RXRG: variants seen among roughly 807,000 people sequenced by gnomAD.
RXRG encodes retinoid X receptor gamma, also known as retinoic acid receptor RXR-gamma.
RXRG carries 19 observed loss-of-function variants against 49.2 expected under a neutral mutation model. The observed-to-expected ratio is 0.39, with a 90% CI of 0.27 to 0.57. The LOEUF (loss-of-function observed/expected upper bound fraction) is 0.57. Among genes scored for constraint, RXRG ranks in the 20% least tolerant of loss-of-function variants. RXRG has a pLI of 0.64. For synonymous variants in RXRG, 224 were observed against 216.6 expected, an observed-to-expected ratio of 1.03 and a Z score of -0.30; for missense variants, 452 against 592.5, an observed-to-expected ratio of 0.76 and a Z score of 2.46.
intron 9 of RXRG, among the ~76,000 whole-genome samples, chr1:165,402,648 A>G (rs990063353): frequency 2.6e-5 from 4 of 151,964 alleles, no homozygotes; most frequent in Middle Eastern, 3.4e-3. Context: ...GCATACATGC[A>G]CTTACACACA....
chr1:165,402,613 C>G (rs1360861145), intron 9 of RXRG, among the ~76,000 whole-genome samples: 1 of 152,032 alleles, frequency 6.6e-6, no homozygotes, highest in African/African-American at 2.4e-5. Context: ...CACACTCACA[C>G]TCTTTTACAC....
intron 1 of RXRG, among the ~76,000 whole-genome samples, chr1:165,438,208 A>C (rs1212557319): frequency 6.6e-6 from 1 of 152,218 alleles, no homozygotes; most frequent in Non-Finnish European, 1.5e-5. Flanking sequence ...CCCTAATCCA[A>C]GCCTCTAAAA....
At chr1:165,442,081 T>A (rs1659024964) in intron 1 of RXRG, among the ~76,000 whole-genome samples, 1 of 152,220 alleles carries the variant, frequency 6.6e-6, no homozygotes, top group African/African-American at 2.4e-5. Context: ...CCCTCTGTAA[T>A]TCCATGTGCT....
At chr1:165,404,361 C>T (rs1016017235) in intron 9 of RXRG, among the ~76,000 whole-genome samples, 15 of 152,202 alleles carry the variant, frequency 9.9e-5, no homozygotes, top group African/African-American at 3.6e-4. Flanking sequence ...GGCCTCTCTC[C>T]CCAGAGTGTG....
intron 4 of RXRG, among the ~76,000 whole-genome samples, chr1:165,415,956 C>T (rs1348972266): frequency 6.6e-6 from 1 of 152,230 alleles, no homozygotes; most frequent in Non-Finnish European, 1.5e-5. Flanking sequence ...AGCCTGTTTT[C>T]TCATCTGGCG....
chr1:165,434,868 A>T (rs1168408223), intron 1 of RXRG, among the ~76,000 whole-genome samples: 5 of 152,230 alleles, frequency 3.3e-5, no homozygotes, highest in Non-Finnish European at 7.3e-5. Context: ...TAACACAGAC[A>T]TGCTGCTGAG....
intron 1 of RXRG, chr1:165,436,778 A>T (rs1219208383): frequency 1.4e-5 from 5 of 350,574 alleles, no homozygotes; most frequent in Non-Finnish European, 2.0e-5. Flanking sequence ...TCAAATGCAA[A>T]TGGAACAACC....
intron 1 of RXRG, among the ~76,000 whole-genome samples, chr1:165,438,132 T>A (rs183468565): frequency 1.4e-4 from 22 of 152,304 alleles, no homozygotes; most frequent in African/African-American, 2.6e-4. Context: ...CTATCTGTTG[T>A]GCTGAGATTG....
At chr1:165,423,283 A>C (rs986915768) in intron 2 of RXRG, among the ~76,000 whole-genome samples, 3 of 152,126 alleles carry the variant, frequency 2.0e-5, no homozygotes, top group Non-Finnish European at 4.4e-5. Flanking sequence ...TGAAATAAGC[A>C]CTTTAGAGCC....
chr1:165,438,356 A>G lies in RXRG; in HGVS notation c.49+6489T>C, dbSNP rs1027294368. ...AAGTATAAGGCAAATATTCCAAAAT[A>G]AAAAAAAAATCCCAAATCCAAAACA... is the stretch of plus-strand genomic sequence containing the variant. On this transcript the variant is annotated intron_variant, in intron 1 of 9. Coordinates refer to ENST00000359842, the MANE Select transcript of RXRG (RefSeq NM_006917.5). Among the ~76,000 whole-genome samples, 226 of 124,160 alleles carry G rather than the reference A, an allele frequency of 1.8e-3. 1 individual carries two copies. The highest frequency in any genetic ancestry group is 1.8e-4 in the Non-Finnish European group (10 of 55,762). The allele number at this position is 124,160 out of a possible 152,430, so 81.5% of individuals were successfully genotyped here. A position where few individuals can be genotyped will look rare whatever the true frequency, so the allele number is the denominator to read the frequency against.
chr1:165,441,855 C>T (rs1462510041), intron 1 of RXRG, among the ~76,000 whole-genome samples: 1 of 152,176 alleles, frequency 6.6e-6, no homozygotes, highest in East Asian at 1.9e-4. Flanking sequence ...GAGAAGGTTT[C>T]TCTCATCATT....
intron 1 of RXRG, among the ~76,000 whole-genome samples, chr1:165,437,791 C>T (rs2101745770): frequency 6.6e-6 from 1 of 152,306 alleles, no homozygotes; most frequent in East Asian, 1.9e-4. Context: ...CCAGCCGGTC[C>T]TCGTTAGCAG....
chr1:165,423,850 A>C (rs1294316782), intron 2 of RXRG, among the ~76,000 whole-genome samples: 2 of 152,202 alleles, frequency 1.3e-5, no homozygotes, highest in African/African-American at 4.8e-5. Flanking sequence ...AAATCATCAG[A>C]CGAGATGAAC....
chr1:165,428,216 A>G lies in RXRG; in HGVS notation c.297+503T>C, dbSNP rs116578545. Among the ~76,000 whole-genome samples the G allele has an allele frequency of 5.2e-3, 798 of 152,278 alleles. 12 individuals carry two copies. Among genetic ancestry groups the G allele is most frequent in the African/African-American group, 0.018 (759 of 41,554 alleles). On this transcript the variant is annotated intron_variant, in intron 2 of 9. Transcript: ENST00000359842. Reference sequence around the variant, plus strand: ...GGGAAAGTTTCCTTCCCAACCTCCCATAGTCTCAGAGACAGCATAGCATGT... The same window carrying G: ...GGGAAAGTTTCCTTCCCAACCTCCCGTAGTCTCAGAGACAGCATAGCATGT...
intron 4 of RXRG, 95 bp downstream of exon 4, chr1:165,416,946 G>A (rs1377342287): frequency 8.4e-7 from 1 of 1,186,390 alleles, no homozygotes; most frequent in Non-Finnish European, 1.2e-6. Context: ...GGATGACTTT[G>A]GGCACCATGA....
chr1:165,411,171 A>G (rs1657933024), intron 4 of RXRG, 62 bp from the exon 5 acceptor site: 2 of 1,515,006 alleles, frequency 1.3e-6, no homozygotes, highest in Non-Finnish European at 1.8e-6. Flanking sequence ...GGGAAAGTTT[A>G]TTACCCACAT....
At chr1:165,410,854 T>A (rs1280104322) in intron 5 of RXRG, 23 bp from the exon 6 acceptor site, 1 of 1,613,938 alleles carries the variant, frequency 6.2e-7, no homozygotes, top group African/African-American at 1.3e-5. Flanking sequence ...CAAAGTACTG[T>A]GAGGCACAGG....
chr1:165,411,548 C>T (rs1657948078), intron 4 of RXRG, among the ~76,000 whole-genome samples: 1 of 152,178 alleles, frequency 6.6e-6, no homozygotes, highest in African/African-American at 2.4e-5. Flanking sequence ...TCATCCTTGG[C>T]ATTCACGTCC....
chr1:165,433,440 T>G lies in RXRG; in HGVS notation c.50-4474A>C, dbSNP rs552776376. Among the ~76,000 whole-genome samples the G allele has an allele frequency of 4.6e-5, 7 of 152,332 alleles. 1 individual carries two copies. The South Asian group carries it at 1.4e-3, about 32-fold the overall frequency. On this transcript the variant is annotated intron_variant, in intron 1 of 9. Transcript: ENST00000359842. ...TGCCTTCCCCTGTGCCCTCTTGATC[T>G]TCCAGGCACCTATGCCAGATGCCTG...
Sources: allele counts gnomAD v4.1 joint callset (sites outside exome capture counted in the v4.1 genomes callset), GRCh38; gene constraint gnomAD v4.1.1; transcripts MANE v1.5; gene names NCBI Gene and HGNC (gene_info 2026-07-23, HGNC 2026-07-21).